TAB2: variants seen among roughly 807,000 people sequenced by gnomAD.
TAB2 encodes TGF-beta activated kinase 1 (MAP3K7) binding protein 2.
In TAB2, 3 loss-of-function variants were observed where a neutral mutation model predicts 65.0. That is an observed-to-expected ratio of 0.05 (90% CI 0.02 to 0.12). TAB2 has a LOEUF of 0.12. TAB2 is among the 10% of genes least tolerant of loss of function. The pLI is 1.00. For missense variants in TAB2, 623 were observed against 840.3 expected, an observed-to-expected ratio of 0.74 and a Z score of 3.20; for synonymous variants, 298 against 285.1, an observed-to-expected ratio of 1.05 and a Z score of -0.46.
chr6:149,248,834 C>T (rs1294801528), intron 1 of TAB2, among the ~76,000 whole-genome samples: 1 of 152,248 alleles, frequency 6.6e-6, no homozygotes, highest in East Asian at 1.9e-4. Flanking sequence ...CTGCCATTTT[C>T]TCTGTCTTGT....
chr6:149,245,299 C>T (rs1583042329), intron 1 of TAB2: 2 of 152,116 alleles, frequency 1.3e-5, no homozygotes, highest in Non-Finnish European at 2.9e-5. Context: ...AACCTGGGCA[C>T]ATGTAGTGGT....
At position 149,328,647 on chromosome 6, in the gene TAB2, C is replaced by T. The variant is rs114052628; in HGVS notation, c.-90+10632C>T. On this transcript the variant is annotated intron_variant, in intron 1 of 6. Coordinates refer to ENST00000637181, the MANE Select transcript of TAB2 (RefSeq NM_001292034.3). Reference sequence around the variant, plus strand: ...CTTATCCAATAGTTTTGAGTTCCTGCTGTGTGCCTGTACTTTGCTAGGTCA... The same window carrying T: ...CTTATCCAATAGTTTTGAGTTCCTGTTGTGTGCCTGTACTTTGCTAGGTCA... Among the ~76,000 whole-genome samples the T allele has an allele frequency of 6.8e-3, 1,031 of 152,258 alleles. 9 individuals carry two copies. Among genetic ancestry groups the T allele is most frequent in the African/African-American group, 0.024 (978 of 41,550 alleles).
intron 1 of TAB2, among the ~76,000 whole-genome samples, chr6:149,363,561 A>G (rs1780927149): frequency 6.6e-6 from 1 of 152,236 alleles, no homozygotes; most frequent in African/African-American, 2.4e-5. Flanking sequence ...AAAATTCATT[A>G]AGATGTTTGA....
intron 1 of TAB2, among the ~76,000 whole-genome samples, chr6:149,349,681 G>T (rs1345784518): frequency 6.6e-6 from 1 of 152,106 alleles, no homozygotes; most frequent in African/African-American, 2.4e-5. Context: ...AATTGTGATG[G>T]AACATATTTA....
intron 1 of TAB2, among the ~76,000 whole-genome samples, chr6:149,299,621 T>A (rs1471003333): frequency 6.6e-6 from 1 of 152,152 alleles, no homozygotes; most frequent in Non-Finnish European, 1.5e-5. Flanking sequence ...TGAATACACC[T>A]GATAATGTGG....
At chr6:149,300,433 G>A (rs1778951532) in intron 1 of TAB2, among the ~76,000 whole-genome samples, 1 of 152,136 alleles carries the variant, frequency 6.6e-6, no homozygotes, top group Admixed American at 6.5e-5. Flanking sequence ...TTTCTGCACA[G>A]ATAAAATAAG....
chr6:149,254,110 GAA>G (rs1777951316), intron 1 of TAB2, among the ~76,000 whole-genome samples: 1 of 128,506 alleles, frequency 7.8e-6, no homozygotes, highest in East Asian at 2.4e-4. Context: ...AGGAAGGAAG[GAA>G]GGACAGGGAA....
At chr6:149,279,289 C>T (rs1778530723) in intron 1 of TAB2, among the ~76,000 whole-genome samples, 1 of 152,186 alleles carries the variant, frequency 6.6e-6, no homozygotes, top group African/African-American at 2.4e-5. Flanking sequence ...TCTTTCTCCA[C>T]TCCTACCTCT....
chr6:149,345,618 CCTT>C (rs1780269108), intron 1 of TAB2, among the ~76,000 whole-genome samples: 1 of 152,178 alleles, frequency 6.6e-6, no homozygotes, highest in Non-Finnish European at 1.5e-5. Flanking sequence ...ATCCATGTGT[CCTT>C]CTACTCAGCC....
chr6:149,218,083 T>C (rs959614055), upstream of TAB2: 2 of 152,166 alleles, frequency 1.3e-5, no homozygotes, highest in Non-Finnish European at 2.9e-5. Flanking sequence ...CATACTAACC[T>C]GGTATGCATC....
At position 149,378,418 on chromosome 6, in the gene TAB2, C is replaced by G; in HGVS notation, c.503C>G (p.Ser168Cys). 1 of 1,614,212 alleles carries G rather than the reference C, an allele frequency of 6.2e-7. No individual in the cohort carries two copies. Among genetic ancestry groups the G allele is most frequent in the Non-Finnish European group, 8.5e-7 (1 of 1,180,050 alleles). ...GGCAGCAAAGGAACATCTAGCCTTT[C>G]TCAACAAACTCCCAGATTTAATCCC... ...HLGSKGTSSL[S>C]QQTPRFNPIM... The change falls in exon 3 of 7, where the codon TCT (serine) becomes TGT (cysteine). Residue 168 changes from serine (S) to cysteine (C), a missense_variant. By Grantham distance (112) the Ser-to-Cys change is moderately radical. Coordinates refer to ENST00000637181, the MANE Select transcript of TAB2 (RefSeq NM_001292034.3).
intron 6 of TAB2, among the ~76,000 whole-genome samples, chr6:149,403,296 AT>A: frequency 2.0e-5 from 1 of 49,536 alleles, no homozygotes; most frequent in Non-Finnish European, 3.8e-5. Flanking sequence ...ACACACACAC[AT>A]ATATATATAT....
chr6:149,267,317 C>T (rs1778281790), intron 1 of TAB2, among the ~76,000 whole-genome samples: 2 of 152,118 alleles, frequency 1.3e-5, no homozygotes, highest in Admixed American at 6.5e-5. Flanking sequence ...GGAAACCTCC[C>T]GTGTCTCCTA....
At chr6:149,368,971 A>G (rs556624954) in intron 1 of TAB2, among the ~76,000 whole-genome samples, 1 of 152,286 alleles carries the variant, frequency 6.6e-6, no homozygotes, top group South Asian at 2.1e-4. Context: ...CCCAATTTCT[A>G]CATTCATGAA....
chr6:149,256,277 A>G (rs575119835), intron 1 of TAB2, among the ~76,000 whole-genome samples: 1 of 152,336 alleles, frequency 6.6e-6, no homozygotes, highest in African/African-American at 2.4e-5. Flanking sequence ...TTGTACTACT[A>G]GAGGGCATTG....
intron 1 of TAB2, among the ~76,000 whole-genome samples, chr6:149,297,562 A>G (rs894401588): frequency 2.0e-5 from 3 of 152,102 alleles, no homozygotes; most frequent in Admixed American, 6.5e-5. Flanking sequence ...GTTTTGCTCT[A>G]TTGACCAACC....
At chr6:149,361,475 G>A (rs1780851722) in intron 1 of TAB2, among the ~76,000 whole-genome samples, 1 of 152,196 alleles carries the variant, frequency 6.6e-6, no homozygotes, top group Non-Finnish European at 1.5e-5. Flanking sequence ...AGCTGTGCAG[G>A]GCTGGGCCTG....
At chr6:149,274,494 G>A (rs946593814) in intron 1 of TAB2, among the ~76,000 whole-genome samples, 2 of 152,176 alleles carry the variant, frequency 1.3e-5, no homozygotes, top group Admixed American at 6.5e-5. Flanking sequence ...CAAGCAAGTA[G>A]CCAGACAATT....
intron 3 of TAB2, among the ~76,000 whole-genome samples, chr6:149,388,265 G>T (rs1781866386): frequency 6.6e-6 from 1 of 152,150 alleles, no homozygotes; most frequent in African/African-American, 2.4e-5. Flanking sequence ...AAACATAGTG[G>T]GTGAGCAGTG....
Sources: gnomAD v4.1 joint callset for allele counts (sites outside exome capture counted in the v4.1 genomes callset) on GRCh38, gnomAD v4.1.1 for gene constraint, MANE v1.5 for transcripts, NCBI Gene and HGNC (gene_info 2026-07-23, HGNC 2026-07-21) for gene names.